The following PELI2 variants were observed in gnomAD, a reference collection of about 807,000 sequenced individuals.
PELI2 encodes the protein E3 ubiquitin-protein ligase pellino homolog 2.
In PELI2, 23 loss-of-function variants were observed where a neutral mutation model predicts 42.3. The observed-to-expected ratio is 0.54, with a 90% CI of 0.39 to 0.77. The LOEUF (loss-of-function observed/expected upper bound fraction) is 0.77. Ranked by LOEUF, PELI2 falls within the 30% of genes least tolerant of loss-of-function variation. The pLI is 0.00. For synonymous variants in PELI2, 245 were observed against 212.2 expected, an observed-to-expected ratio of 1.15 and a Z score of -1.34; for missense variants, 463 against 553.2, an observed-to-expected ratio of 0.84 and a Z score of 1.64.
chr14:56,297,259 C>A lies in PELI2; in HGVS notation c.*93C>A. 1 of 802,426 alleles carries A rather than the reference C, an allele frequency of 1.2e-6. No individual in the cohort carries two copies. Among genetic ancestry groups the A allele is most frequent in the South Asian group, 1.7e-5 (1 of 58,604 alleles). The allele number at this position is 802,426 out of a possible 1,614,324, so 49.7% of individuals were successfully genotyped here. On this transcript the variant is annotated 3_prime_UTR_variant, in exon 6 of 6. Coordinates refer to ENST00000267460, the MANE Select transcript of PELI2 (RefSeq NM_021255.3). ...TTTACCTTTTTGTAATGCTGTTTAT[C>A]AGAGGAGGGTGACAGGGGCTGGAAA...
intron 2 of PELI2, among the ~76,000 whole-genome samples, chr14:56,220,687 C>T (rs186570228): frequency 9.9e-5 from 15 of 152,006 alleles, no homozygotes; most frequent in Admixed American, 1.3e-4. Context: ...AGTTGAAGAG[C>T]ATAGGGGAGG....
chr14:56,130,021 G>A (rs530912780), intron 1 of PELI2, among the ~76,000 whole-genome samples: 1 of 151,956 alleles, frequency 6.6e-6, no homozygotes, highest in Admixed American at 6.6e-5. Flanking sequence ...AGAACCTGCA[G>A]TTAAAAATGA....
chr14:56,275,616 C>A (rs934060700), intron 2 of PELI2, among the ~76,000 whole-genome samples: 2 of 152,136 alleles, frequency 1.3e-5, no homozygotes, highest in Non-Finnish European at 2.9e-5. Context: ...GAACCTAATG[C>A]CGCTGCTGAT....
At chr14:56,221,119 C>T (rs1887117805) in intron 2 of PELI2, among the ~76,000 whole-genome samples, 1 of 152,184 alleles carries the variant, frequency 6.6e-6, no homozygotes, top group African/African-American at 2.4e-5. Flanking sequence ...ATTTCATAGA[C>T]TGCACCAGAG....
At chr14:56,136,143 T>A (rs1057500270) in intron 1 of PELI2, among the ~76,000 whole-genome samples, 3 of 152,174 alleles carry the variant, frequency 2.0e-5, no homozygotes, top group African/African-American at 7.2e-5. Context: ...TGTTAAAGGA[T>A]GTTTAGCTCT....
At chr14:56,245,753 A>G (rs1329909582) in intron 2 of PELI2, among the ~76,000 whole-genome samples, 1 of 152,240 alleles carries the variant, frequency 6.6e-6, no homozygotes, top group Non-Finnish European at 1.5e-5. Flanking sequence ...TTTGGGAAAA[A>G]TAACAATACA....
At chr14:56,277,581 C>T (rs1251391813) in intron 2 of PELI2, among the ~76,000 whole-genome samples, 1 of 152,014 alleles carries the variant, frequency 6.6e-6, no homozygotes, top group Non-Finnish European at 1.5e-5. Flanking sequence ...CCCAAACCAT[C>T]CCCCTGATCC....
At chr14:56,162,688 C>G (rs1223748607) in intron 1 of PELI2, among the ~76,000 whole-genome samples, 1 of 152,174 alleles carries the variant, frequency 6.6e-6, no homozygotes, top group African/African-American at 2.4e-5. Flanking sequence ...AACCTCCAAA[C>G]TGTTCTTATA....
chr14:56,171,142 T>G (rs1023691366), intron 1 of PELI2, among the ~76,000 whole-genome samples: 2 of 152,118 alleles, frequency 1.3e-5, no homozygotes, highest in East Asian at 3.8e-4. Context: ...GTTGCTATGG[T>G]TTGAATGTGC....
chr14:56,280,393 A>T (rs1489527995), intron 3 of PELI2, among the ~76,000 whole-genome samples: 1 of 152,108 alleles, frequency 6.6e-6, no homozygotes, highest in Non-Finnish European at 1.5e-5. Flanking sequence ...AAGGAAGGAA[A>T]AAAACATTCG....
At chr14:56,162,657 T>C (rs916042364) in intron 1 of PELI2, among the ~76,000 whole-genome samples, 8 of 152,224 alleles carry the variant, frequency 5.3e-5, no homozygotes, top group Admixed American at 4.6e-4. Flanking sequence ...CATATGGTGC[T>C]CAATTTTTAG....
At chr14:56,255,938 C>T (rs573160476) in intron 2 of PELI2, among the ~76,000 whole-genome samples, 1 of 152,284 alleles carries the variant, frequency 6.6e-6, no homozygotes, top group East Asian at 1.9e-4. Flanking sequence ...TGCAAGCTCC[C>T]AGCTTGCTTG....
At chr14:56,185,128 G>A (rs1255731807) in intron 2 of PELI2, among the ~76,000 whole-genome samples, 1 of 152,024 alleles carries the variant, frequency 6.6e-6, no homozygotes, top group African/African-American at 2.4e-5. Flanking sequence ...GTATATCTGT[G>A]ATTAGGTGAT....
intron 1 of PELI2, among the ~76,000 whole-genome samples, chr14:56,175,313 A>G (rs890282613): frequency 6.6e-6 from 1 of 152,194 alleles, no homozygotes; most frequent in Non-Finnish European, 1.5e-5. Flanking sequence ...CGACAGTTCA[A>G]GCAGTGCTTC....
chr14:56,120,422 A>C (rs928127144), intron 1 of PELI2, among the ~76,000 whole-genome samples: 8 of 152,214 alleles, frequency 5.3e-5, no homozygotes, highest in Non-Finnish European at 8.8e-5. Context: ...CATAGCTGGA[A>C]GTGCAGGGCA....
chr14:56,193,603 A>G (rs1362100578), intron 2 of PELI2, among the ~76,000 whole-genome samples: 1 of 152,120 alleles, frequency 6.6e-6, no homozygotes. Context: ...TCAGCCAAAT[A>G]CCTCCACTAG....
chr14:56,151,768 A>C (rs1025476221), intron 1 of PELI2, among the ~76,000 whole-genome samples: 2 of 152,230 alleles, frequency 1.3e-5, no homozygotes, highest in Non-Finnish European at 2.9e-5. Context: ...AAGCTGAGAA[A>C]CAAGTTTTAT....
intron 2 of PELI2, among the ~76,000 whole-genome samples, chr14:56,275,903 A>C (rs1889275467): frequency 6.6e-6 from 1 of 152,162 alleles, no homozygotes; most frequent in Non-Finnish European, 1.5e-5. Flanking sequence ...GTTTGAACTA[A>C]GTTATAGTGA....
chr14:56,183,457 A>G (rs1374040838), intron 2 of PELI2, among the ~76,000 whole-genome samples: 1 of 152,220 alleles, frequency 6.6e-6, no homozygotes, highest in African/African-American at 2.4e-5. Context: ...TTTACGAAGT[A>G]TCAATATAAT....
Sources: allele counts gnomAD v4.1 joint callset (sites outside exome capture counted in the v4.1 genomes callset), GRCh38; gene constraint gnomAD v4.1.1; transcripts MANE v1.5; gene names NCBI Gene and HGNC (gene_info 2026-07-23, HGNC 2026-07-21).